The following RAB10 variants were observed in gnomAD, a reference collection of about 807,000 sequenced individuals.
RAB10 encodes RAB10, member RAS oncogene family.
RAB10 carries 5 observed loss-of-function variants against 25.7 expected under a neutral mutation model. That is an observed-to-expected ratio of 0.19 (90% CI 0.10 to 0.41). The LOEUF is 0.41. RAB10 is among the 10% of genes least tolerant of loss of function. The pLI, the probability that RAB10 is intolerant of heterozygous loss-of-function variation, is 1.00. For synonymous variants in RAB10, 89 were observed against 86.4 expected (o/e 1.03, Z -0.16); for missense variants, 103 against 245.8 (o/e 0.42, Z 3.89).
Position 26,047,915 on chromosome 2 carries a change from G to A in RAB10, c.127+13180G>A, listed in dbSNP as rs536940688. Among the ~76,000 whole-genome samples, 12 of 151,148 alleles carry A rather than the reference G, an allele frequency of 7.9e-5. No homozygotes were observed. The East Asian group carries it at 9.7e-4, about 12-fold the overall frequency. On this transcript the variant is annotated intron_variant, in intron 1 of 5. Transcript: ENST00000264710. ...ATTTTTTTGTATTTTTAGTGGAGAC[G>A]AGGTTTCACCATGTTGACCAGACTG... is the stretch of plus-strand genomic sequence containing the variant.
intron 1 of RAB10, among the ~76,000 whole-genome samples, chr2:26,058,549 C>T (rs1023056366): frequency 1.3e-5 from 2 of 152,072 alleles, no homozygotes; most frequent in Non-Finnish European, 2.9e-5. Context: ...AGATGTATAC[C>T]ACCGTACTGT....
At chr2:26,038,346 A>G (rs899659971) in intron 1 of RAB10, among the ~76,000 whole-genome samples, 2 of 150,656 alleles carry the variant, frequency 1.3e-5, no homozygotes, top group Non-Finnish European at 3.0e-5. Flanking sequence ...ACAGGTGCGC[A>G]CCACCACGCC....
intron 3 of RAB10, 53 bp downstream of exon 3, chr2:26,109,959 G>A: frequency 7.0e-7 from 1 of 1,433,326 alleles, no homozygotes; most frequent in African/African-American, 1.5e-5. Context: ...TGTGTGCTTG[G>A]TTAGGAAGAA....
At chr2:26,055,510 C>A (rs1446611798) in intron 1 of RAB10, among the ~76,000 whole-genome samples, 1 of 151,810 alleles carries the variant, frequency 6.6e-6, no homozygotes, top group Non-Finnish European at 1.5e-5. Context: ...GCTTCAGCCT[C>A]CTGAGTAGCT....
intron 1 of RAB10, among the ~76,000 whole-genome samples, chr2:26,092,308 TG>T (rs1667126607): frequency 3.1e-5 from 2 of 65,516 alleles, no homozygotes; most frequent in Admixed American, 1.8e-4. Context: ...TGTGTGTGTG[TG>T]TGTGTGTGTG....
chr2:26,111,533 G>A (rs931382308), intron 3 of RAB10, among the ~76,000 whole-genome samples: 1 of 151,860 alleles, frequency 6.6e-6, no homozygotes, highest in East Asian at 1.9e-4. Context: ...GAACCCAGGG[G>A]GTGGAGGTTG....
intron 3 of RAB10, among the ~76,000 whole-genome samples, chr2:26,126,525 G>A (rs576814177): frequency 2.1e-4 from 32 of 152,248 alleles, no homozygotes; most frequent in Admixed American, 5.9e-4. Flanking sequence ...CTCGGGAGGC[G>A]AAAGTTGCAG....
At chr2:26,119,681 C>T (rs1488291595) in intron 3 of RAB10, among the ~76,000 whole-genome samples, 1 of 152,116 alleles carries the variant, frequency 6.6e-6, no homozygotes. Context: ...TATATCATGT[C>T]TGGCTAATTT....
chr2:26,125,725 TG>T (rs1159511497), intron 3 of RAB10, among the ~76,000 whole-genome samples: 2 of 152,080 alleles, frequency 1.3e-5, no homozygotes, highest in East Asian at 3.9e-4. Context: ...TGTCATTTTT[TG>T]TTGTTGTTAG....
chr2:26,117,470 C>T (rs1667713770), intron 3 of RAB10, among the ~76,000 whole-genome samples: 1 of 151,900 alleles, frequency 6.6e-6, no homozygotes, highest in South Asian at 2.1e-4. Flanking sequence ...AAAAAATTAG[C>T]CGGGCATGGT....
At chr2:26,059,008 C>T (rs1666329126) in intron 1 of RAB10, among the ~76,000 whole-genome samples, 1 of 152,216 alleles carries the variant, frequency 6.6e-6, no homozygotes, top group Non-Finnish European at 1.5e-5. Context: ...AATGCCTGTA[C>T]ATTCTCAAAT....
chr2:26,114,229 T>A (rs1011109313), intron 3 of RAB10, among the ~76,000 whole-genome samples: 10 of 152,106 alleles, frequency 6.6e-5, no homozygotes, highest in Admixed American at 6.6e-4. Flanking sequence ...CCGTAGAAAT[T>A]GACAAATTGA....
intron 1 of RAB10, among the ~76,000 whole-genome samples, chr2:26,041,543 CAAAAAAAAAAAA>C (rs1230627488): frequency 9.0e-5 from 4 of 44,628 alleles, no homozygotes; most frequent in African/African-American, 3.4e-4. Flanking sequence ...GACGCTGACT[CAAAAAAAAAAAA>C]AAAAAAAAAA....
chr2:26,104,388 A>G (rs1217658807), intron 2 of RAB10, among the ~76,000 whole-genome samples: 1 of 152,156 alleles, frequency 6.6e-6, no homozygotes, highest in Non-Finnish European at 1.5e-5. Flanking sequence ...CTTTGGATAA[A>G]TGCCTGTTTA....
chr2:26,068,173 A>C (rs570276890), intron 1 of RAB10, among the ~76,000 whole-genome samples: 1 of 152,222 alleles, frequency 6.6e-6, no homozygotes, highest in Admixed American at 6.5e-5. Flanking sequence ...AAGTGGGCAC[A>C]AAAAGGTCCT....
chr2:26,071,429 T>G (rs1231676332), intron 1 of RAB10, among the ~76,000 whole-genome samples: 2 of 152,244 alleles, frequency 1.3e-5, no homozygotes, highest in Non-Finnish European at 2.9e-5. Context: ...GGCCCACTCC[T>G]GTAATCCCAA....
intron 1 of RAB10, among the ~76,000 whole-genome samples, chr2:26,070,934 C>A (rs1426686867): frequency 6.6e-6 from 1 of 152,060 alleles, no homozygotes; most frequent in East Asian, 1.9e-4. Context: ...GCCTTTTTCA[C>A]TATGTTGATG....
chr2:26,049,647 G>T (rs1444028099), intron 1 of RAB10, among the ~76,000 whole-genome samples: 1 of 152,062 alleles, frequency 6.6e-6, no homozygotes, highest in East Asian at 1.9e-4. Context: ...GACCTCAGGT[G>T]ATCCTCTTGC....
chr2:26,059,921 T>C (rs986795243), intron 1 of RAB10, among the ~76,000 whole-genome samples: 2 of 152,218 alleles, frequency 1.3e-5, no homozygotes, highest in Non-Finnish European at 1.5e-5. Flanking sequence ...TTAAATTATG[T>C]GGGTTTTTTT....
Sources: allele counts gnomAD v4.1 joint callset (sites outside exome capture counted in the v4.1 genomes callset), GRCh38; gene constraint gnomAD v4.1.1; transcripts MANE v1.5; gene names NCBI Gene and HGNC (gene_info 2026-07-23, HGNC 2026-07-21).